Variants in INPP4B observed in about 807,000 individuals in gnomAD.
INPP4B encodes inositol polyphosphate 4-phosphatase type II.
In INPP4B, 55 loss-of-function variants were observed where a neutral mutation model predicts 122.5. The ratio of observed to expected loss-of-function variants is 0.45; its 90% CI spans 0.36 to 0.56. INPP4B has a LOEUF of 0.56. Ranked by LOEUF, INPP4B falls within the 20% of genes least tolerant of loss-of-function variation. INPP4B has a pLI of 0.00. For synonymous variants in INPP4B, 403 were observed against 388.7 expected, an observed-to-expected ratio of 1.04 and a Z score of -0.43; for missense variants, 1,000 against 1,097.7, an observed-to-expected ratio of 0.91 and a Z score of 1.26.
At chr4:142,555,081 C>T (rs1728853957) in intron 2 of INPP4B, among the ~76,000 whole-genome samples, 1 of 152,160 alleles carries the variant, frequency 6.6e-6, no homozygotes, top group African/African-American at 2.4e-5. Context: ...GAATCCAACA[C>T]ATCCAATTGG....
At chr4:142,586,602 T>C (rs1234081737) in intron 2 of INPP4B, among the ~76,000 whole-genome samples, 1 of 152,102 alleles carries the variant, frequency 6.6e-6, no homozygotes, top group Non-Finnish European at 1.5e-5. Context: ...GGCTAACAGT[T>C]AGGTGCTGGG....
chr4:142,520,497 AAAAT>A (rs1329086140), intron 2 of INPP4B, among the ~76,000 whole-genome samples: 3 of 151,998 alleles, frequency 2.0e-5, no homozygotes, highest in Non-Finnish European at 4.4e-5. Flanking sequence ...CGTAAGAAAT[AAAAT>A]TTCAAGTCAA....
At chr4:142,208,748 T>C (rs1420572957) in intron 13 of INPP4B, 148 bp downstream of exon 13, 2 of 597,144 alleles carry the variant, frequency 3.3e-6, no homozygotes, top group African/African-American at 3.8e-5. Context: ...GTTTTTTCTT[T>C]GTTTTAAGAT....
At chr4:142,672,497 C>T (rs965548034) in intron 2 of INPP4B, among the ~76,000 whole-genome samples, 1 of 152,076 alleles carries the variant, frequency 6.6e-6, no homozygotes, top group Non-Finnish European at 1.5e-5. Context: ...ATTTGCTTTT[C>T]TTTAATGACT....
chr4:142,087,207 A>G (rs1302028774), intron 23 of INPP4B, among the ~76,000 whole-genome samples: 1 of 152,190 alleles, frequency 6.6e-6, no homozygotes. Flanking sequence ...CTCCTGACAG[A>G]AAAATATATC....
chr4:142,356,887 C>T (rs1300378240), intron 7 of INPP4B, among the ~76,000 whole-genome samples: 1 of 151,854 alleles, frequency 6.6e-6, no homozygotes, highest in African/African-American at 2.4e-5. Context: ...TGAGGGATTA[C>T]ACATTGAGTT....
chr4:142,410,168 G>A (rs1000174478), intron 5 of INPP4B, among the ~76,000 whole-genome samples: 3 of 152,166 alleles, frequency 2.0e-5, no homozygotes, highest in African/African-American at 7.2e-5. Flanking sequence ...GAACACAACT[G>A]TTCATTCAGG....
chr4:142,124,787 G>C (rs2152760713), intron 18 of INPP4B, 27 bp from the exon 19 acceptor site: 1 of 1,446,022 alleles, frequency 6.9e-7, no homozygotes, highest in Non-Finnish European at 9.2e-7. Flanking sequence ...TAAGAACAGT[G>C]CAATAGATGA....
chr4:142,398,404 AT>A lies in INPP4B; in HGVS notation c.372+4533del, dbSNP rs1800309662. 5.0e-3 allele frequency among the ~76,000 whole-genome samples: 53 copies of A among 10,688 alleles called. 2 individuals are homozygous for A. The highest frequency in any genetic ancestry group is 0.013 in the African/African-American group (48 of 3,736). The allele number at this position is 10,688 out of a possible 152,430, so 7.0% of individuals were successfully genotyped here. ...AAAAAAAAAAAAAAAAAAAAAAAAT[AT>A]ATATATATATATATATATATATATA... On this transcript the variant is annotated intron_variant, in intron 7 of 25. Transcript: ENST00000262992.
intron 2 of INPP4B, among the ~76,000 whole-genome samples, chr4:142,545,821 G>GTGTATATATATA (rs1174798411): frequency 8.9e-6 from 1 of 111,922 alleles, no homozygotes; most frequent in African/African-American, 3.7e-5. Context: ...ATACATGTGT[G>GTGTATATATATA]TATATATATA....
intron 2 of INPP4B, among the ~76,000 whole-genome samples, chr4:142,588,966 A>G (rs1736838183): frequency 6.6e-6 from 1 of 152,032 alleles, no homozygotes; most frequent in South Asian, 2.1e-4. Context: ...TACAGTTATC[A>G]ACATTGTGTT....
intron 3 of INPP4B, among the ~76,000 whole-genome samples, chr4:142,443,025 C>A (rs1382224710): frequency 6.6e-6 from 1 of 152,108 alleles, no homozygotes; most frequent in Non-Finnish European, 1.5e-5. Context: ...GGGAAACTGA[C>A]CCCATGATTC....
intron 1 of INPP4B, among the ~76,000 whole-genome samples, chr4:142,728,741 T>C (rs1167764725): frequency 6.6e-6 from 1 of 152,116 alleles, no homozygotes; most frequent in Non-Finnish European, 1.5e-5. Context: ...ATCAAGCAGA[T>C]TCTTCTCTAG....
chr4:142,575,025 G>A (rs1054760211), intron 2 of INPP4B, among the ~76,000 whole-genome samples: 5 of 152,022 alleles, frequency 3.3e-5, no homozygotes, highest in East Asian at 1.9e-4. Flanking sequence ...TGAGAGTCTC[G>A]AGCTATCCAA....
chr4:142,062,266 T>TCATCATCACAGCACCACAC (rs1303148650), intron 25 of INPP4B, among the ~76,000 whole-genome samples: 3 of 151,110 alleles, frequency 2.0e-5, no homozygotes, highest in South Asian at 2.1e-4. Context: ...CACCACCACA[T>TCATCATCACAGCACCACAC]CATCATCACA....
intron 23 of INPP4B, among the ~76,000 whole-genome samples, chr4:142,099,388 A>C (rs938940062): frequency 1.3e-5 from 2 of 152,170 alleles, no homozygotes; most frequent in African/African-American, 4.8e-5. Context: ...CATATGTTTT[A>C]AATAAAATAT....
intron 15 of INPP4B, among the ~76,000 whole-genome samples, chr4:142,182,390 T>C (rs2645817): frequency 0.99 from 151,003 of 151,988 alleles, 75,018 homozygotes; most frequent in East Asian, 1. Flanking sequence ...CTACAAAAAA[T>C]ACAAAAAATT....
intron 2 of INPP4B, among the ~76,000 whole-genome samples, chr4:142,631,845 A>C (rs1236215279): frequency 1.3e-5 from 2 of 152,184 alleles, no homozygotes; most frequent in African/African-American, 4.8e-5. Flanking sequence ...TTCAAGAATG[A>C]AGGTGAACAA....
At chr4:142,544,105 C>G (rs995970146) in intron 2 of INPP4B, among the ~76,000 whole-genome samples, 1 of 57,512 alleles carries the variant, frequency 1.7e-5, no homozygotes, top group African/African-American at 7.2e-5. Flanking sequence ...AAGTATAATG[C>G]ACAAATACTG....
Sources: gnomAD v4.1 joint callset for allele counts (sites outside exome capture counted in the v4.1 genomes callset) on GRCh38, gnomAD v4.1.1 for gene constraint, MANE v1.5 for transcripts, NCBI Gene and HGNC (gene_info 2026-07-23, HGNC 2026-07-21) for gene names.